LNP1: variants seen among roughly 807,000 people sequenced by gnomAD.
The protein encoded by LNP1 is leukemia NUP98 fusion partner 1.
LNP1 carries 12 observed loss-of-function variants against 14.5 expected under a neutral mutation model. The observed-to-expected ratio is 0.83, with a 90% CI of 0.53 to 1.34. The LOEUF is 1.34. Among genes scored for constraint, LNP1 ranks in the 40% most tolerant of loss-of-function variants. LNP1 has a pLI of 0.00. For missense variants in LNP1, 198 were observed against 210.9 expected (o/e 0.94, Z 0.38); for synonymous variants, 75 against 71.4 (o/e 1.05, Z -0.26).
At chr3:100,447,833 T>C (rs1263400666) in intron 2 of LNP1, among the ~76,000 whole-genome samples, 2 of 152,178 alleles carry the variant, frequency 1.3e-5, no homozygotes, top group Non-Finnish European at 2.9e-5. Flanking sequence ...TACATCGCTC[T>C]TGTTTCCTGG....
At chr3:100,437,522 A>T (rs1707303622) in intron 2 of LNP1, among the ~76,000 whole-genome samples, 1 of 152,198 alleles carries the variant, frequency 6.6e-6, no homozygotes, top group African/African-American at 2.4e-5. Context: ...TCCCAAAAGG[A>T]TGTACAGTGC....
intron 2 of LNP1, among the ~76,000 whole-genome samples, chr3:100,450,068 G>A (rs370180343): frequency 7.0e-6 from 1 of 143,652 alleles, no homozygotes; most frequent in South Asian, 2.2e-4. Context: ...TTTGCTGGTC[G>A]TTTTTCTCCA....
intron 1 of LNP1, among the ~76,000 whole-genome samples, chr3:100,422,501 A>G (rs996313618): frequency 7.2e-5 from 11 of 152,176 alleles, no homozygotes; most frequent in Non-Finnish European, 4.4e-5. Context: ...TTTTAGAATA[A>G]TTGGTGCCTA....
rs1363041652 is a variant in LNP1, at chr3:100,436,657, T to C, written c.156+6772T>C. 2.0e-5 allele frequency among the ~76,000 whole-genome samples: 3 copies of C among 152,288 alleles called. No individual in the cohort carries two copies. The East Asian group carries it at 5.8e-4, about 29-fold the overall frequency. ...TTTATGTTTCTCTTTTATATTACAA[T>C]GGGAAGATAATTGGTAATTTTATAT... On this transcript the variant is annotated intron_variant, in intron 2 of 3. Transcript: ENST00000383693.
chr3:100,418,852 G>A (rs1707116493), intron 1 of LNP1, among the ~76,000 whole-genome samples: 1 of 152,164 alleles, frequency 6.6e-6, no homozygotes, highest in African/African-American at 2.4e-5. Flanking sequence ...CTTACCACAG[G>A]CTTTTTGTAC....
At chr3:100,453,669 G>T (rs1707482144) in intron 3 of LNP1, among the ~76,000 whole-genome samples, 1 of 151,426 alleles carries the variant, frequency 6.6e-6, no homozygotes, top group Non-Finnish European at 1.5e-5. Context: ...GAGAAATGTT[G>T]CAAGAATAGG....
chr3:100,423,929 G>T (rs1559842327), intron 1 of LNP1, among the ~76,000 whole-genome samples: 1 of 152,198 alleles, frequency 6.6e-6, no homozygotes, highest in Non-Finnish European at 1.5e-5. Flanking sequence ...GTGGGCTGGA[G>T]CCTCCCCTCA....
chr3:100,437,213 C>T (rs1707301047), intron 2 of LNP1, among the ~76,000 whole-genome samples: 1 of 152,186 alleles, frequency 6.6e-6, no homozygotes, highest in South Asian at 2.1e-4. Context: ...GGGTTATGAT[C>T]TCAGTGGCAT....
At chr3:100,412,192 C>T (rs183553455) in intron 1 of LNP1, among the ~76,000 whole-genome samples, 5 of 152,284 alleles carry the variant, frequency 3.3e-5, no homozygotes, top group Non-Finnish European at 5.9e-5. Context: ...TGTGTGAAGA[C>T]AGACCAAACG....
intron 1 of LNP1, among the ~76,000 whole-genome samples, chr3:100,418,700 G>A (rs560014348): frequency 3.3e-5 from 5 of 152,174 alleles, no homozygotes; most frequent in Admixed American, 6.5e-5. Context: ...TTTTAGATCC[G>A]CTCTTTTCTT....
In LNP1 at chr3:100,402,132, G is replaced by C. The variant is rs1200029837; in HGVS notation, c.-341G>C. The C allele has an allele frequency of 6.6e-6, 1 of 152,134 alleles. No homozygotes were observed. Among genetic ancestry groups the C allele is most frequent in the Non-Finnish European group, 1.5e-5 (1 of 68,030 alleles). The allele number at this position is 152,134 out of a possible 1,614,324, so 9.4% of individuals were successfully genotyped here. On this transcript the variant is annotated 5_prime_UTR_variant, in exon 1 of 4. Transcript: ENST00000383693. The stretch of plus-strand genomic sequence containing the variant: ...ACTCTTTTTCCGATGCTCTGCACCA[G>C]ATCTCTTAAAATATAAAATTACCTT...
intron 2 of LNP1, among the ~76,000 whole-genome samples, chr3:100,449,523 C>G (rs1460216921): frequency 6.6e-6 from 1 of 152,012 alleles, no homozygotes; most frequent in Non-Finnish European, 1.5e-5. Flanking sequence ...TCTCATGCAG[C>G]AGAGGATGCA....
chr3:100,440,873 A>C (rs1331053375), intron 2 of LNP1, among the ~76,000 whole-genome samples: 1 of 152,196 alleles, frequency 6.6e-6, no homozygotes, highest in African/African-American at 2.4e-5. Flanking sequence ...AACCTGAACC[A>C]ATCAGAAAGG....
chr3:100,430,286 TC>T (rs1423093698), intron 2 of LNP1, among the ~76,000 whole-genome samples: 1 of 152,226 alleles, frequency 6.6e-6, no homozygotes, highest in African/African-American at 2.4e-5. Flanking sequence ...TGGTAGACCT[TC>T]TAAGGAACTG....
At chr3:100,421,123 C>T (rs1218569122) in intron 1 of LNP1, among the ~76,000 whole-genome samples, 1 of 152,170 alleles carries the variant, frequency 6.6e-6, no homozygotes, top group African/African-American at 2.4e-5. Flanking sequence ...AGATTACAGT[C>T]ATGAGTCACT....
At chr3:100,432,340 A>T (rs1435335571) in intron 2 of LNP1, among the ~76,000 whole-genome samples, 6 of 152,046 alleles carry the variant, frequency 3.9e-5, no homozygotes, top group Admixed American at 3.9e-4. Flanking sequence ...CATCAGTCTC[A>T]TGATTCACAC....
intron 2 of LNP1, among the ~76,000 whole-genome samples, chr3:100,449,196 C>T (rs747216366): frequency 9.9e-5 from 15 of 151,952 alleles, no homozygotes; most frequent in Middle Eastern, 7.0e-3. Flanking sequence ...TTTCCAAAAA[C>T]GGAGAATTAC....
intron 1 of LNP1, among the ~76,000 whole-genome samples, chr3:100,424,511 G>C (rs1431443735): frequency 6.6e-6 from 1 of 152,168 alleles, no homozygotes; most frequent in East Asian, 1.9e-4. Flanking sequence ...TGTTTATTAT[G>C]GAGGCTCAAT....
chr3:100,431,409 G>A (rs950815535), intron 2 of LNP1, among the ~76,000 whole-genome samples: 2 of 152,078 alleles, frequency 1.3e-5, no homozygotes, highest in African/African-American at 4.8e-5. Flanking sequence ...CCCTGCTTCG[G>A]GCATTTGCCT....
Sources: gnomAD v4.1 joint callset for allele counts (sites outside exome capture counted in the v4.1 genomes callset) on GRCh38, gnomAD v4.1.1 for gene constraint, MANE v1.5 for transcripts, NCBI Gene and HGNC (gene_info 2026-07-23, HGNC 2026-07-21) for gene names.